The following CECR2 variants were observed in gnomAD, a reference collection of about 807,000 sequenced individuals.
The protein encoded by CECR2 is chromatin remodeling regulator CECR2.
Under a neutral mutation model 154.5 loss-of-function variants are expected in CECR2, and 30 were observed. The ratio of observed to expected loss-of-function variants is 0.19; its 90% confidence interval spans 0.15 to 0.26. The LOEUF is 0.26. Ranked by LOEUF, CECR2 falls within the 10% of genes least tolerant of loss-of-function variation. The pLI, the probability that CECR2 is intolerant of heterozygous loss-of-function variation, is 1.00. For missense variants in CECR2, 1,743 were observed against 1,829.3 expected (o/e 0.95, Z 0.86); for synonymous variants, 725 against 683.7 (o/e 1.06, Z -0.94).
chr22:17,427,524 C>T (rs1340048357), intron 1 of CECR2, among the ~76,000 whole-genome samples: 1 of 152,104 alleles, frequency 6.6e-6, no homozygotes, highest in African/African-American at 2.4e-5. Flanking sequence ...GGGTTTGTTC[C>T]TTCCGGTGGG....
chr22:17,548,911 C>A lies in CECR2; in HGVS notation c.3624C>A (p.Ser1208Arg). The change falls in exon 17 of 19, where the codon AGC (serine) becomes AGA (arginine). Residue 1208 changes from serine to arginine, a missense_variant. By Grantham distance (110) the Ser-to-Arg change is moderately radical (BLOSUM62 -1). Around this residue, in one of 4 missense-constraint regions of CECR2, gnomAD observed 1,250 missense variants for 1,192.1 expected, o/e 1.05. Coordinates refer to ENST00000262608, the MANE Select transcript of CECR2 (RefSeq NM_001290047.2). ...CTCCTTACTATGCCTGTCCACAGAG[C>A]TTTTCTGACTGGCAGAGACCTCTCC... ...QRTPYYACPQ[S>R]FSDWQRPLHP... 1 of 1,613,478 alleles carries A rather than the reference C, an allele frequency of 6.2e-7. No individual in the cohort carries two copies. The highest frequency in any genetic ancestry group is 8.5e-7 in the Non-Finnish European group (1 of 1,179,590).
chr22:17,426,066 A>G (rs903966628), intron 1 of CECR2, among the ~76,000 whole-genome samples: 2 of 152,302 alleles, frequency 1.3e-5, no homozygotes, highest in Admixed American at 1.3e-4. Context: ...GCAGTTACCA[A>G]CTGAAGGACA....
At chr22:17,506,343 T>C (rs1243170354) in intron 7 of CECR2, among the ~76,000 whole-genome samples, 2 of 151,724 alleles carry the variant, frequency 1.3e-5, no homozygotes, top group Admixed American at 6.6e-5. Flanking sequence ...CCTGGGCTGG[T>C]CCTGAACTCC....
intron 1 of CECR2, among the ~76,000 whole-genome samples, chr22:17,389,612 G>A (rs937725386): frequency 2.0e-5 from 3 of 151,734 alleles, no homozygotes; most frequent in Admixed American, 6.6e-5. Flanking sequence ...CGCCCAGCTC[G>A]GGGATATTCT....
At chr22:17,546,083 A>T (rs11705449) in intron 16 of CECR2, among the ~76,000 whole-genome samples, 1 of 151,962 alleles carries the variant, frequency 6.6e-6, no homozygotes, top group East Asian at 1.9e-4. Flanking sequence ...TGGTTAGGGG[A>T]AAAAAACCTT....
chr22:17,545,533 A>G (rs1396154348), intron 16 of CECR2, among the ~76,000 whole-genome samples: 1 of 151,946 alleles, frequency 6.6e-6, no homozygotes, highest in East Asian at 1.9e-4. Flanking sequence ...AGGAGAATGG[A>G]CACACTTGGA....
intron 1 of CECR2, chr22:17,477,000 T>C (rs897050329): frequency 3.1e-6 from 2 of 649,118 alleles, no homozygotes; most frequent in Non-Finnish European, 5.7e-6. Context: ...TCATTCTGTT[T>C]AGATGATGTA....
At position 17,548,527 on chromosome 22, in the gene CECR2, C is replaced by G. The variant is rs778057630; in HGVS notation, c.3240C>G (p.Leu1080=). ...GLGSSGSEKL[L]CPRGRTLQET... ...GTAGCAGTGGTTCCGAAAAGCTGCT[C>G]TGCCCCAGAGGCAGAACGTTGCAGG... The change falls in exon 17 of 19, where the codon CTC becomes CTG. Residue 1080 remains leucine, a synonymous_variant. Transcript: ENST00000262608. The G allele has an allele frequency of 9.3e-6, 15 of 1,613,668 alleles. No individual in the cohort carries two copies. In the Admixed American group the frequency reaches 2.3e-4, roughly 25 times the overall value.
intron 7 of CECR2, among the ~76,000 whole-genome samples, chr22:17,505,857 T>TTTTG (rs1375664807): frequency 6.8e-6 from 1 of 147,220 alleles, no homozygotes; most frequent in Non-Finnish European, 1.5e-5. Context: ...TTTTTTTTTT[T>TTTTG]TTAAGGACAA....
At chr22:17,474,714 A>G (rs1405690856) in intron 1 of CECR2, among the ~76,000 whole-genome samples, 4 of 152,250 alleles carry the variant, frequency 2.6e-5, no homozygotes, top group Non-Finnish European at 4.4e-5. Flanking sequence ...TGGAAACCAC[A>G]TAGTAAAAGT....
intron 7 of CECR2, among the ~76,000 whole-genome samples, chr22:17,511,232 T>C (rs2055945475): frequency 6.6e-6 from 1 of 152,238 alleles, no homozygotes; most frequent in African/African-American, 2.4e-5. Context: ...GTAACCTAGA[T>C]ACAAGTAGTT....
intron 1 of CECR2, among the ~76,000 whole-genome samples, chr22:17,414,194 G>T (rs570002275): frequency 1.3e-5 from 2 of 151,596 alleles, no homozygotes; most frequent in Non-Finnish European, 2.9e-5. Context: ...GGATGGTCTC[G>T]ATCGCCTGAC....
chr22:17,542,755 G>A lies in CECR2; in HGVS notation c.2612G>A (p.Arg871Gln), dbSNP rs540078259. Residue 871 changes from arginine to glutamine, a missense_variant, in exon 16 of 19, where the codon CGG becomes CAG. By Grantham distance (43) the Arg-to-Gln change is conservative (BLOSUM62 1). This residue lies in a region of CECR2 where 1,250 missense variants were observed against 1,192.1 expected (regional missense o/e 1.05). Coordinates refer to ENST00000262608, the MANE Select transcript of CECR2 (RefSeq NM_001290047.2). ...SLFGAPAQAL[R>Q]GVQGGDSMMD... ...TTTGGAGCACCTGCCCAGGCTCTTCGGGGGGTGCAGGGAGGGGACTCCATG... is the reference window on the plus strand; with the variant it reads ...TTTGGAGCACCTGCCCAGGCTCTTCAGGGGGTGCAGGGAGGGGACTCCATG... 39 of 1,613,928 alleles carry A rather than the reference G, an allele frequency of 2.4e-5. No homozygotes were observed. Among genetic ancestry groups the A allele is most frequent in the African/African-American group, 9.3e-5 (7 of 75,004 alleles).
chr22:17,389,598 G>A (rs1477740815), intron 1 of CECR2, among the ~76,000 whole-genome samples: 2 of 151,644 alleles, frequency 1.3e-5, no homozygotes, highest in African/African-American at 2.4e-5. Context: ...AGCATGAGCC[G>A]CCACGCCCAG....
chr22:17,437,646 T>G (rs960877834), intron 1 of CECR2, among the ~76,000 whole-genome samples: 4 of 152,178 alleles, frequency 2.6e-5, no homozygotes, highest in Admixed American at 6.5e-5. Flanking sequence ...GTTCCTGCTT[T>G]TTTATGACTT....
chr22:17,417,920 C>A (rs56331094), intron 1 of CECR2, among the ~76,000 whole-genome samples: 30,065 of 151,834 alleles, frequency 0.2, 4,089 homozygotes, highest in African/African-American at 0.39. Flanking sequence ...TGTGCCCGGC[C>A]CTCAATTTTA....
At chr22:17,423,984 T>C (rs1458441470) in intron 1 of CECR2, among the ~76,000 whole-genome samples, 1 of 152,238 alleles carries the variant, frequency 6.6e-6, no homozygotes, top group African/African-American at 2.4e-5. Flanking sequence ...TCCACCTTAA[T>C]ATTTTCCATT....
chr22:17,488,442 T>C (rs563986021), intron 2 of CECR2, among the ~76,000 whole-genome samples: 1 of 152,350 alleles, frequency 6.6e-6, no homozygotes, highest in African/African-American at 2.4e-5. Context: ...GTTTCCTTTG[T>C]AGTCAGTCTT....
At chr22:17,496,738 G>C (rs2055636067) in intron 2 of CECR2, among the ~76,000 whole-genome samples, 1 of 152,178 alleles carries the variant, frequency 6.6e-6, no homozygotes, top group South Asian at 2.1e-4. Context: ...ACTTTGTACT[G>C]TCTGAACCGC....
Sources: gnomAD v4.1 joint callset for allele counts (sites outside exome capture counted in the v4.1 genomes callset) on GRCh38, gnomAD v4.1.1 for gene constraint, gnomAD v4.1.1 regional missense constraint, MANE v1.5 for transcripts, NCBI Gene and HGNC (gene_info 2026-07-23, HGNC 2026-07-21) for gene names.